CDC23: variants seen among roughly 807,000 people sequenced by gnomAD.
CDC23 encodes the protein cell division cycle 23.
Under a neutral mutation model 81.7 loss-of-function variants are expected in CDC23, and 26 were observed. That is an observed-to-expected ratio of 0.32 (90% CI 0.23 to 0.44). CDC23 has a LOEUF of 0.44. CDC23 is among the 20% of genes least tolerant of loss of function. CDC23 has a pLI of 1.00. For synonymous variants in CDC23, 267 were observed against 270.8 expected (o/e 0.99, Z 0.14); for missense variants, 519 against 728.0 (o/e 0.71, Z 3.30).
At chr5:138,207,618 T>A (rs1755065867) in intron 2 of CDC23, among the ~76,000 whole-genome samples, 1 of 152,174 alleles carries the variant, frequency 6.6e-6, no homozygotes, top group African/African-American at 2.4e-5. Context: ...AACACAGCTG[T>A]AATTCTCTAT....
intron 9 of CDC23, among the ~76,000 whole-genome samples, chr5:138,194,306 G>T (rs1033547375): frequency 1.3e-5 from 2 of 152,010 alleles, no homozygotes; most frequent in African/African-American, 2.4e-5. Flanking sequence ...GTATCCAGGT[G>T]TGGTGATATA....
chr5:138,188,171 G>A lies in CDC23; in HGVS notation c.*807C>T, dbSNP rs761777052. The A allele has an allele frequency of 6.6e-6, 1 of 152,180 alleles. No homozygotes were observed. The highest frequency in any genetic ancestry group is 2.4e-5 in the African/African-American group (1 of 41,448). 9.4% of individuals were successfully genotyped at this position (152,180 alleles called of 1,614,324 possible). A position where few individuals can be genotyped will look rare whatever the true frequency, so the allele number is the denominator to read the frequency against. On this transcript the variant is annotated 3_prime_UTR_variant, in exon 16 of 16. Coordinates refer to ENST00000394886, the MANE Select transcript of CDC23 (RefSeq NM_004661.4). Reference sequence around the variant, plus strand: ...AAAATTTATTAAAACAGACCAGCTTGAAGTGAGTTTATTCTTGTCTGTATA... The same window carrying A: ...AAAATTTATTAAAACAGACCAGCTTAAAGTGAGTTTATTCTTGTCTGTATA...
intron 9 of CDC23, among the ~76,000 whole-genome samples, chr5:138,193,050 C>G (rs1353216548): frequency 6.6e-6 from 1 of 152,166 alleles, no homozygotes; most frequent in African/African-American, 2.4e-5. Flanking sequence ...CCACATAAGG[C>G]TTTCAAGTAG....
chr5:138,187,704 T>C lies in CDC23; in HGVS notation c.*1274A>G. On this transcript the variant is annotated 3_prime_UTR_variant, in exon 16 of 16. Coordinates refer to ENST00000394886, the MANE Select transcript of CDC23 (RefSeq NM_004661.4). ...AATGTAGCAAAATCATTAAAACAAA[T>C]TATAAAAGGGACAGAAAAATTAAGA... The C allele has an allele frequency of 3.6e-6, 1 of 276,312 alleles. No individual in the cohort carries two copies. Among genetic ancestry groups the C allele is most frequent in the East Asian group, 8.2e-5 (1 of 12,132 alleles). The allele number at this position is 276,312 out of a possible 1,614,324, so 17.1% of individuals were successfully genotyped here. A position where few individuals can be genotyped will look rare whatever the true frequency, so the allele number is the denominator to read the frequency against.
rs182601976 is a variant in CDC23, at chr5:138,189,053, T to C, written c.1719A>G (p.Leu573=). Residue 573 remains leucine (L), a synonymous_variant, in exon 16 of 16, where the codon CTA becomes CTG. Coordinates refer to ENST00000394886, the MANE Select transcript of CDC23 (RefSeq NM_004661.4). ...TATTGTTAGCAGAGAGTGAAGCAGGTAGGAAAAAGGGAGCAGGCACCTCGG... is the reference window on the plus strand; with the variant it reads ...TATTGTTAGCAGAGAGTGAAGCAGGCAGGAAAAAGGGAGCAGGCACCTCGG... ...PTTEVPAPFF[L]PASLSANNTP... The C allele has an allele frequency of 1.2e-6, 2 of 1,613,830 alleles. No homozygotes were observed. Among genetic ancestry groups the C allele is most frequent in the African/African-American group, 1.3e-5 (1 of 74,978 alleles).
intron 9 of CDC23, among the ~76,000 whole-genome samples, chr5:138,193,251 T>C (rs1271650108): frequency 1.3e-5 from 2 of 152,206 alleles, no homozygotes; most frequent in African/African-American, 2.4e-5. Flanking sequence ...TCTTAGATTA[T>C]GCTTTACATC....
chr5:138,198,380 G>A, intron 8 of CDC23, 46 bp downstream of exon 8: 1 of 1,593,660 alleles, frequency 6.3e-7, no homozygotes, highest in Non-Finnish European at 8.6e-7. Flanking sequence ...ACCCAGATTA[G>A]TGCACAAAAG....
chr5:138,193,577 T>C (rs1289574462), intron 9 of CDC23, among the ~76,000 whole-genome samples: 3 of 140,076 alleles, frequency 2.1e-5, no homozygotes, highest in Non-Finnish European at 3.1e-5. Flanking sequence ...GCTTGGGTAA[T>C]AGAGCAAAAC....
intron 9 of CDC23, among the ~76,000 whole-genome samples, chr5:138,194,618 GTTACAACTGCATAAAT>G: frequency 6.6e-6 from 1 of 151,898 alleles, no homozygotes; most frequent in East Asian, 1.9e-4. Context: ...TATGGTAATG[GTTACAACTGCATAAAT>G]TTACAAAAAC....
chr5:138,200,081 T>C (rs1325857956), intron 6 of CDC23, among the ~76,000 whole-genome samples: 1 of 152,226 alleles, frequency 6.6e-6, no homozygotes, highest in South Asian at 2.1e-4. Context: ...TTTCTGAATC[T>C]TTACAGAATC....
chr5:138,195,573 TATA>T (rs1178562045), intron 9 of CDC23, among the ~76,000 whole-genome samples: 9 of 59,270 alleles, frequency 1.5e-4, no homozygotes, highest in Non-Finnish European at 3.5e-4. Flanking sequence ...TATATTTATA[TATA>T]ATATATTATA....
intron 9 of CDC23, among the ~76,000 whole-genome samples, chr5:138,194,638 C>G (rs1055050979): frequency 6.7e-6 from 1 of 150,208 alleles, no homozygotes; most frequent in Non-Finnish European, 1.5e-5. Flanking sequence ...CATAAATTTA[C>G]AAAAACTCAT....
At chr5:138,195,996 C>T (rs1754900777) in intron 9 of CDC23, among the ~76,000 whole-genome samples, 1 of 150,770 alleles carries the variant, frequency 6.6e-6, no homozygotes. Context: ...CTCATTCTCT[C>T]AGGTCCTCAG....
At chr5:138,209,680 C>A (rs189076144) in intron 2 of CDC23, among the ~76,000 whole-genome samples, 8 of 150,144 alleles carry the variant, frequency 5.3e-5, no homozygotes, top group African/African-American at 2.0e-4. Context: ...CAAAAATTAG[C>A]CAGGCGTGGT....
intron 1 of CDC23, 35 bp from the exon 2 acceptor site, chr5:138,213,098 AG>A: frequency 6.2e-7 from 1 of 1,614,032 alleles, no homozygotes; most frequent in Non-Finnish European, 8.5e-7. Context: ...CAGCTCGACA[AG>A]CCCCCCAAGG....
chr5:138,197,801 C>T (rs1754934359), intron 9 of CDC23, among the ~76,000 whole-genome samples: 1 of 152,176 alleles, frequency 6.6e-6, no homozygotes, highest in Non-Finnish European at 1.5e-5. Flanking sequence ...AGCCCCTACA[C>T]ATACATTTTT....
At chr5:138,212,879 C>A in intron 2 of CDC23, 112 bp downstream of exon 2, 1 of 824,744 alleles carries the variant, frequency 1.2e-6, no homozygotes, top group East Asian at 2.5e-5. Context: ...TGAATTCCCT[C>A]TACAAACATT....
chr5:138,188,711 G>T lies in CDC23; in HGVS notation c.*267C>A. ...CTTTCTTGGGGGCCAAAAAAAAAAA[G>T]CATTCAGGGAAGAAGGCCAAGATCT... On this transcript the variant is annotated 3_prime_UTR_variant, in exon 16 of 16. Transcript: ENST00000394886. 1 of 262,818 alleles carries T rather than the reference G, an allele frequency of 3.8e-6. No homozygotes were observed. Among genetic ancestry groups the T allele is most frequent in the Non-Finnish European group, 7.1e-6 (1 of 140,076 alleles). 16.3% of individuals were successfully genotyped at this position (262,818 alleles called of 1,614,324 possible).
intron 9 of CDC23, among the ~76,000 whole-genome samples, chr5:138,193,954 G>A (rs1205681397): frequency 2.7e-5 from 4 of 146,384 alleles, no homozygotes; most frequent in Non-Finnish European, 3.0e-5. Flanking sequence ...GCAAAACTCC[G>A]TCTCCAAAAA....
Sources: allele counts gnomAD v4.1 joint callset (sites outside exome capture counted in the v4.1 genomes callset), GRCh38; gene constraint gnomAD v4.1.1; transcripts MANE v1.5; gene names NCBI Gene and HGNC (gene_info 2026-07-23, HGNC 2026-07-21).